RANBP2: variants seen among roughly 807,000 people sequenced by gnomAD.
The protein encoded by RANBP2 is E3 SUMO-protein ligase RanBP2.
In RANBP2, 57 loss-of-function variants were observed where a neutral mutation model predicts 303.6. The ratio of observed to expected loss-of-function variants is 0.19; its 90% CI spans 0.15 to 0.23. The LOEUF (loss-of-function observed/expected upper bound fraction) is 0.23. Among genes scored for constraint, RANBP2 ranks in the 10% least tolerant of loss-of-function variants. The probability of loss-of-function intolerance (pLI) is 1.00; values close to 1 mark genes in which losing one functional copy is unlikely to be tolerated. For missense variants in RANBP2, 3,138 were observed against 3,780.8 expected, an observed-to-expected ratio of 0.83 and a Z score of 4.46; for synonymous variants, 1,167 against 1,301.5, an observed-to-expected ratio of 0.90 and a Z score of 2.23.
At chr2:109,017,019 C>A in the RANBP2 span, among the ~76,000 whole-genome samples, 9 of 152,346 alleles carry the variant, frequency 5.9e-5, no homozygotes, top group Admixed American at 5.9e-4. Flanking sequence ...TTGCTCCCTG[C>A]CTCCCATGCA....
the RANBP2 span, among the ~76,000 whole-genome samples, chr2:109,326,085 T>C: frequency 1.3e-5 from 2 of 152,234 alleles, no homozygotes; most frequent in South Asian, 2.1e-4. Context: ...CCACATTTTC[T>C]CCACCATGGT....
At chr2:109,315,713 T>A in the RANBP2 span, among the ~76,000 whole-genome samples, 1 of 152,234 alleles carries the variant, frequency 6.6e-6, no homozygotes, top group Non-Finnish European at 1.5e-5. Flanking sequence ...CACCCAGGGT[T>A]CCTCTGGGGC....
At chr2:109,728,326 T>C in the RANBP2 span, among the ~76,000 whole-genome samples, 1 of 152,164 alleles carries the variant, frequency 6.6e-6, no homozygotes, top group African/African-American at 2.4e-5. Flanking sequence ...TGAAGATTCA[T>C]TAGCAAAATA....
At chr2:109,459,918 T>C in the RANBP2 span, among the ~76,000 whole-genome samples, 1 of 152,180 alleles carries the variant, frequency 6.6e-6, no homozygotes, top group South Asian at 2.1e-4. Context: ...GTAGGAGAAA[T>C]AGCACCATAT....
At chr2:109,480,866 G>C in the RANBP2 span, among the ~76,000 whole-genome samples, 5 of 152,286 alleles carry the variant, frequency 3.3e-5, no homozygotes, top group South Asian at 1.0e-3. Flanking sequence ...GGAGCTTGGG[G>C]CATCTGTGGA....
At chr2:109,451,102 T>C in the RANBP2 span, among the ~76,000 whole-genome samples, 16 of 152,226 alleles carry the variant, frequency 1.1e-4, no homozygotes, top group Admixed American at 2.0e-4. Context: ...CCTCCTGTGT[T>C]GTTCAGTCCA....
the RANBP2 span, among the ~76,000 whole-genome samples, chr2:108,971,513 T>C: frequency 6.6e-6 from 1 of 151,832 alleles, no homozygotes; most frequent in Non-Finnish European, 1.5e-5. Flanking sequence ...ATCAGTCTTT[T>C]TGAAACTCCC....
the RANBP2 span, among the ~76,000 whole-genome samples, chr2:109,161,879 G>A: frequency 2.0e-5 from 3 of 150,670 alleles, no homozygotes; most frequent in East Asian, 5.9e-4. Context: ...TACAAGGTTT[G>A]GGGGACAAAT....
chr2:108,847,615 T>C, the RANBP2 span, among the ~76,000 whole-genome samples: 2 of 152,324 alleles, frequency 1.3e-5, no homozygotes, highest in Admixed American at 1.3e-4. Context: ...CTATAACAGG[T>C]TATATTATTA....
At chr2:109,223,114 G>A in the RANBP2 span, among the ~76,000 whole-genome samples, 58 of 152,372 alleles carry the variant, frequency 3.8e-4, no homozygotes, top group Non-Finnish European at 6.8e-4. Context: ...GGGGAAGCAG[G>A]TGGTTGGAGA....
At chr2:109,178,423 T>A in the RANBP2 span, among the ~76,000 whole-genome samples, 1 of 152,180 alleles carries the variant, frequency 6.6e-6, no homozygotes, top group Non-Finnish European at 1.5e-5. Flanking sequence ...CTTTTTTTTA[T>A]TGTTTTGTGA....
At chr2:109,490,785 C>T in the RANBP2 span, 1 of 1,536,960 alleles carries the variant, frequency 6.5e-7, no homozygotes, top group Non-Finnish European at 8.7e-7. Context: ...AGGGTCCTGC[C>T]CCATAGAGAG....
chr2:108,816,771 C>T, the RANBP2 span, among the ~76,000 whole-genome samples: 1 of 152,180 alleles, frequency 6.6e-6, no homozygotes, highest in Non-Finnish European at 1.5e-5. Flanking sequence ...TCATTGCTTA[C>T]TGCAGCCTCC....
At chr2:109,367,648 A>G in the RANBP2 span, among the ~76,000 whole-genome samples, 1 of 152,146 alleles carries the variant, frequency 6.6e-6, no homozygotes, top group African/African-American at 2.4e-5. Flanking sequence ...TATCATTTTT[A>G]ATGACTGAGT....
the RANBP2 span, among the ~76,000 whole-genome samples, chr2:109,507,666 G>A: frequency 1.3e-5 from 2 of 152,174 alleles, no homozygotes; most frequent in African/African-American, 4.8e-5. Context: ...GGGTCAGCTG[G>A]TGTTTAACAT....
Position 108,750,776 on chromosome 2 carries a change from A to G in RANBP2, c.1274-488A>G, listed in dbSNP as rs188359062. ...CTAATTTTTTGTGTTTTTAGTAGAG[A>G]CGGAGTTTCACCATGCTGGCCAGGC... On this transcript the variant is annotated intron_variant, in intron 9 of 28. Coordinates refer to ENST00000283195, the MANE Select transcript of RANBP2 (RefSeq NM_006267.5). Among the ~76,000 whole-genome samples, 414 of 152,234 alleles carry G rather than the reference A, an allele frequency of 2.7e-3. 2 individuals carry two copies. Among genetic ancestry groups the G allele is most frequent in the African/African-American group, 9.0e-3 (372 of 41,526 alleles).
chr2:108,731,728 T>C, intron 4 of RANBP2: 1 of 631,240 alleles, frequency 1.6e-6, no homozygotes, highest in Non-Finnish European at 2.4e-6. Flanking sequence ...TTAGTAGCTG[T>C]AAACTAAGTA....
the RANBP2 span, among the ~76,000 whole-genome samples, chr2:109,472,803 C>A: frequency 6.6e-6 from 1 of 152,148 alleles, no homozygotes. Context: ...AGCCAGACGC[C>A]CGTTGGAAAT....
chr2:109,741,379 A>G, the RANBP2 span, among the ~76,000 whole-genome samples: 1 of 152,200 alleles, frequency 6.6e-6, no homozygotes, highest in African/African-American at 2.4e-5. Flanking sequence ...TCAGCAAATC[A>G]GGATTAGGGG....
Sources: allele counts gnomAD v4.1 joint callset (sites outside exome capture counted in the v4.1 genomes callset), GRCh38; gene constraint gnomAD v4.1.1; transcripts MANE v1.5; gene names NCBI Gene and HGNC (gene_info 2026-07-23, HGNC 2026-07-21).